Variants in DTNB observed in about 807,000 individuals in gnomAD.
DTNB encodes the protein DTN-B.
In DTNB, 63 loss-of-function variants were observed where a neutral mutation model predicts 90.7. The ratio of observed to expected loss-of-function variants is 0.69; its 90% CI spans 0.57 to 0.86. DTNB has a LOEUF of 0.86. Ranked by LOEUF, DTNB falls within the 40% of genes least tolerant of loss-of-function variation. The probability of loss-of-function intolerance (pLI) is 0.00; values close to 1 mark genes in which losing one functional copy is unlikely to be tolerated. For synonymous variants in DTNB, 277 were observed against 286.7 expected (o/e 0.97, Z 0.34); for missense variants, 744 against 807.1 (o/e 0.92, Z 0.95).
chr2:25,408,277 C>T (rs1462475375), intron 16 of DTNB, among the ~76,000 whole-genome samples: 1 of 151,772 alleles, frequency 6.6e-6, no homozygotes, highest in Non-Finnish European at 1.5e-5. Context: ...CCATTGCACT[C>T]CAGCCTGGGC....
intron 9 of DTNB, among the ~76,000 whole-genome samples, chr2:25,511,350 G>T (rs1050677837): frequency 6.6e-5 from 10 of 150,902 alleles, no homozygotes; most frequent in Admixed American, 5.9e-4. Flanking sequence ...CTTTTTTTTT[G>T]AGATGGAGTT....
chr2:25,645,923 T>C (rs2079337798), intron 2 of DTNB, among the ~76,000 whole-genome samples: 1 of 151,506 alleles, frequency 6.6e-6, no homozygotes, highest in Non-Finnish European at 1.5e-5. Flanking sequence ...AGGGAAACAA[T>C]GGGATGGAAG....
intron 1 of DTNB, chr2:25,672,634 C>G (rs993288973): frequency 6.6e-6 from 1 of 152,110 alleles, no homozygotes; most frequent in African/African-American, 2.4e-5. Context: ...ACAAAAGAGA[C>G]CGAAAGTAAA....
chr2:25,465,002 G>A (rs1475885179), intron 10 of DTNB, among the ~76,000 whole-genome samples: 1 of 152,142 alleles, frequency 6.6e-6, no homozygotes, highest in Non-Finnish European at 1.5e-5. Flanking sequence ...AATAAAGTCT[G>A]GAACTTAATT....
intron 11 of DTNB, among the ~76,000 whole-genome samples, chr2:25,452,916 T>C (rs1047519332): frequency 6.6e-6 from 1 of 152,106 alleles, no homozygotes; most frequent in Non-Finnish European, 1.5e-5. Context: ...AAAATGATCT[T>C]GTAATAAGAA....
chr2:25,390,616 C>T (rs763500491), intron 16 of DTNB, among the ~76,000 whole-genome samples: 16 of 151,628 alleles, frequency 1.1e-4, no homozygotes, highest in Admixed American at 5.9e-4. Flanking sequence ...CCTGGCTTTT[C>T]TTATATTTTT....
At chr2:25,537,704 A>C (rs1235736344) in intron 8 of DTNB, among the ~76,000 whole-genome samples, 1 of 152,208 alleles carries the variant, frequency 6.6e-6, no homozygotes, top group African/African-American at 2.4e-5. Context: ...AAAGTCTCTA[A>C]GCAAGAGTTT....
intron 10 of DTNB, among the ~76,000 whole-genome samples, chr2:25,478,225 G>A (rs2064136043): frequency 6.6e-6 from 1 of 152,076 alleles, no homozygotes; most frequent in Non-Finnish European, 1.5e-5. Context: ...TGGTTTAATG[G>A]GTTAATGAAT....
intron 9 of DTNB, among the ~76,000 whole-genome samples, chr2:25,515,022 T>C (rs1272092714): frequency 6.6e-6 from 1 of 152,144 alleles, no homozygotes; most frequent in African/African-American, 2.4e-5. Context: ...ATTATTATCA[T>C]TAAGCAGGAT....
intron 9 of DTNB, among the ~76,000 whole-genome samples, chr2:25,507,885 C>T (rs2072881094): frequency 6.6e-6 from 1 of 152,184 alleles, no homozygotes; most frequent in Admixed American, 6.5e-5. Flanking sequence ...GTTCCTTAAA[C>T]ATGCTAGGTA....
intron 15 of DTNB, among the ~76,000 whole-genome samples, chr2:25,427,180 AACACACACACACACACACAC>A (rs3041256): frequency 5.7e-5 from 8 of 139,570 alleles, no homozygotes; most frequent in Non-Finnish European, 7.7e-5. Context: ...TCCATCTCAA[AACACACACACACACACACAC>A]ACACACACAC....
At chr2:25,555,255 C>T (rs1286899601) in intron 8 of DTNB, among the ~76,000 whole-genome samples, 1 of 140,602 alleles carries the variant, frequency 7.1e-6, no homozygotes, top group East Asian at 2.1e-4. Flanking sequence ...CGGGCCACTG[C>T]ACTCCAGCCT....
intron 16 of DTNB, among the ~76,000 whole-genome samples, chr2:25,390,421 T>A (rs2040773637): frequency 6.6e-6 from 1 of 151,878 alleles, no homozygotes; most frequent in Non-Finnish European, 1.5e-5. Context: ...ATTTTAAACT[T>A]TTTCTTTTCT....
intron 1 of DTNB, among the ~76,000 whole-genome samples, chr2:25,653,421 C>T (rs1439496193): frequency 7.1e-6 from 1 of 140,606 alleles, no homozygotes; most frequent in Non-Finnish European, 1.5e-5. Flanking sequence ...TCCAATTAAA[C>T]GTTTTTTTTT....
At chr2:25,399,371 G>A (rs1017681428) in intron 16 of DTNB, 1 of 76,996 alleles carries the variant, frequency 1.3e-5, no homozygotes, top group African/African-American at 1.0e-4. Context: ...TTTTAGACAG[G>A]ATCTTGCTGT....
intron 10 of DTNB, among the ~76,000 whole-genome samples, chr2:25,460,588 G>A (rs572046433): frequency 9.9e-5 from 15 of 152,156 alleles, no homozygotes; most frequent in Admixed American, 4.6e-4. Flanking sequence ...ATGATATCCG[G>A]AGGCCACGTG....
At chr2:25,557,897 T>C (rs1170527745) in intron 8 of DTNB, among the ~76,000 whole-genome samples, 1 of 152,188 alleles carries the variant, frequency 6.6e-6, no homozygotes, top group African/African-American at 2.4e-5. Flanking sequence ...GAAGAACCAG[T>C]GAGACTTCAA....
Position 25,580,733 on chromosome 2 carries a change from G to A in DTNB, c.697C>T (p.His233Tyr), listed in dbSNP as rs778160803. 12 of 1,613,262 alleles carry A rather than the reference G, an allele frequency of 7.4e-6. No individual in the cohort carries two copies. The East Asian group carries it at 2.0e-4, about 27-fold the overall frequency. ...AAGTTCTGCTTACCATTCTCAACAT[G>A]GGCAAGCCTGTGCATGAGAGGTAGC... ...VWLPLMHRLA[H>Y]VENVFHPVEC... Residue 233 changes from histidine to tyrosine, a missense_variant, in exon 7 of 21, where the codon CAT becomes TAT. Transcript: ENST00000406818.
rs138132103 is a variant in DTNB at position 25,513,930 on chromosome 2, C to T, written c.1001+17543G>A. Among the ~76,000 whole-genome samples, 980 of 150,924 alleles carry T rather than the reference C, an allele frequency of 6.5e-3. 4 individuals carry two copies. Among genetic ancestry groups the T allele is most frequent in the Middle Eastern group, 0.017 (5 of 292 alleles). On this transcript the variant is annotated intron_variant, in intron 9 of 20. Transcript: ENST00000406818. ...TAAGATCTACTATCTGCCAGACCCA[C>T]GCCAGATAGGGAGATAGAGCAGGAA...
Sources: gnomAD v4.1 joint callset for allele counts (sites outside exome capture counted in the v4.1 genomes callset) on GRCh38, gnomAD v4.1.1 for gene constraint, MANE v1.5 for transcripts, NCBI Gene and HGNC (gene_info 2026-07-23, HGNC 2026-07-21) for gene names.